The following MEIKIN variants were observed in gnomAD, a reference collection of about 807,000 sequenced individuals.
MEIKIN encodes the protein meiosis-specific kinetochore protein.
rs557365386 is a variant in MEIKIN, at chr5:131,875,855, C to T, written c.774+3123G>A. On this transcript the variant is annotated intron_variant, in intron 9 of 12. Transcript: ENST00000442687. ...AAATAATGTCGCATATCTACAACTACCTGATGTTTGACAAACCTGACAAAA... is the reference window on the plus strand; with the variant it reads ...AAATAATGTCGCATATCTACAACTATCTGATGTTTGACAAACCTGACAAAA... 8.5e-5 allele frequency among the ~76,000 whole-genome samples: 13 copies of T among 152,162 alleles called. 1 individual carries two copies. The highest frequency in any genetic ancestry group is 3.3e-4 in the Admixed American group (5 of 15,276).
chr5:131,878,895 A>T (rs1368191776), intron 9 of MEIKIN, 83 bp downstream of exon 9: 1 of 391,976 alleles, frequency 2.6e-6, no homozygotes, highest in Non-Finnish European at 4.5e-6. Flanking sequence ...AAAAAAAAGT[A>T]AATTTAAACT....
chr5:131,846,050 G>A (rs1219833151), intron 11 of MEIKIN, among the ~76,000 whole-genome samples: 1 of 152,158 alleles, frequency 6.6e-6, no homozygotes, highest in Admixed American at 6.5e-5. Flanking sequence ...TTGCACACAA[G>A]GGATCTTTAT....
At chr5:131,937,067 T>G (rs994009986) in intron 4 of MEIKIN, among the ~76,000 whole-genome samples, 1 of 152,180 alleles carries the variant, frequency 6.6e-6, no homozygotes. Context: ...ACACAGTTGT[T>G]TTCTTGGTAT....
Position 131,873,751 on chromosome 5 carries a change from A to T in MEIKIN, c.774+5227T>A, listed in dbSNP as rs564253737. Among the ~76,000 whole-genome samples, 574 of 152,250 alleles carry T rather than the reference A, an allele frequency of 3.8e-3. 4 individuals are homozygous for T. Among genetic ancestry groups the T allele is most frequent in the African/African-American group, 0.013 (542 of 41,562 alleles). ...TTGAACACATAGTTGGAAGTAAAGC[A>T]CTCCTCAGCAAATGTAAAAGAACAG... On this transcript the variant is annotated intron_variant, in intron 9 of 12. Coordinates refer to ENST00000442687, the MANE Select transcript of MEIKIN (RefSeq NM_001303622.2).
chr5:131,898,209 T>C (rs1751087153), intron 8 of MEIKIN, among the ~76,000 whole-genome samples: 1 of 152,218 alleles, frequency 6.6e-6, no homozygotes, highest in Admixed American at 6.5e-5. Context: ...CCTCAGACCC[T>C]ATTTGCCTGG....
intron 12 of MEIKIN, among the ~76,000 whole-genome samples, chr5:131,811,763 C>T (rs569037129): frequency 2.9e-4 from 44 of 152,244 alleles, no homozygotes; most frequent in Non-Finnish European, 5.1e-4. Flanking sequence ...CCCATCACCA[C>T]GCCCAGCTAA....
At chr5:131,884,121 C>T (rs73788789) in intron 8 of MEIKIN, among the ~76,000 whole-genome samples, 4,421 of 135,844 alleles carry the variant, frequency 0.033, 240 homozygotes, top group African/African-American at 0.11. Context: ...AGTCCTAGTG[C>T]TGAACTGGGC....
chr5:131,943,198 G>GA (rs1004993456), intron 3 of MEIKIN, among the ~76,000 whole-genome samples: 5 of 151,534 alleles, frequency 3.3e-5, no homozygotes, highest in Non-Finnish European at 5.9e-5. Context: ...AATAATTTGA[G>GA]AAAAAAAATA....
At chr5:131,844,185 C>A in intron 11 of MEIKIN, among the ~76,000 whole-genome samples, 1 of 152,114 alleles carries the variant, frequency 6.6e-6, no homozygotes, top group Admixed American at 6.5e-5. Flanking sequence ...ATTCAATCAC[C>A]TCCCACTAGA....
chr5:131,921,417 G>A (rs1457851798), intron 6 of MEIKIN, among the ~76,000 whole-genome samples: 1 of 151,990 alleles, frequency 6.6e-6, no homozygotes, highest in African/African-American at 2.4e-5. Flanking sequence ...CAGCACTTTG[G>A]GAAGCCAAGG....
At chr5:131,828,377 G>T (rs542282866) in intron 11 of MEIKIN, among the ~76,000 whole-genome samples, 4 of 152,156 alleles carry the variant, frequency 2.6e-5, no homozygotes, top group Non-Finnish European at 1.5e-5. Context: ...TGCCCAGGCT[G>T]GTCTTGAACT....
intron 7 of MEIKIN, among the ~76,000 whole-genome samples, chr5:131,914,462 A>G (rs1022609482): frequency 6.3e-5 from 9 of 142,138 alleles, no homozygotes; most frequent in Non-Finnish European, 1.1e-4. Context: ...AAGGAAGGGG[A>G]GAGAGAGAGA....
At chr5:131,843,893 A>G (rs558011310) in intron 11 of MEIKIN, among the ~76,000 whole-genome samples, 1 of 152,256 alleles carries the variant, frequency 6.6e-6, no homozygotes, top group South Asian at 2.1e-4. Context: ...AATTTTCTGT[A>G]TTAGTCTGTT....
chr5:131,918,912 T>G (rs1751459179), intron 6 of MEIKIN, among the ~76,000 whole-genome samples: 1 of 152,170 alleles, frequency 6.6e-6, no homozygotes, highest in Non-Finnish European at 1.5e-5. Flanking sequence ...CATAAGACCC[T>G]ATGATCTTGA....
chr5:131,824,216 A>G (rs1404608203), intron 11 of MEIKIN, among the ~76,000 whole-genome samples: 1 of 152,072 alleles, frequency 6.6e-6, no homozygotes, highest in Non-Finnish European at 1.5e-5. Flanking sequence ...ACCAAAAACT[A>G]TCAGGAATAA....
chr5:131,872,570 C>T (rs1580882990), intron 9 of MEIKIN, among the ~76,000 whole-genome samples: 1 of 152,228 alleles, frequency 6.6e-6, no homozygotes, highest in African/African-American at 2.4e-5. Flanking sequence ...CTGGAAAACA[C>T]TCTGCAGGAT....
Position 131,879,439 on chromosome 5 carries a change from G to T in MEIKIN, c.704-391C>A, listed in dbSNP as rs1289603269. Among the ~76,000 whole-genome samples the T allele has an allele frequency of 1.2e-4, 18 of 152,054 alleles. 1 individual carries two copies. Among genetic ancestry groups the T allele is most frequent in the Non-Finnish European group, 1.5e-5 (1 of 68,010 alleles). On this transcript the variant is annotated intron_variant, in intron 8 of 12. Coordinates refer to ENST00000442687, the MANE Select transcript of MEIKIN (RefSeq NM_001303622.2). ...TTTCAATAGCTTTAGGGGTACAAGT[G>T]GTTTTTGGTTATATGGAAAAATTGT...
intron 8 of MEIKIN, among the ~76,000 whole-genome samples, chr5:131,893,259 G>A (rs763310478): frequency 1.3e-4 from 19 of 143,142 alleles, no homozygotes; most frequent in South Asian, 2.3e-4. Context: ...CTTCCCAGCC[G>A]CTTTGTTTAC....
chr5:131,900,311 CAT>C (rs1376991764), intron 8 of MEIKIN, among the ~76,000 whole-genome samples: 1 of 152,118 alleles, frequency 6.6e-6, no homozygotes. Context: ...TGAAGGAAGA[CAT>C]AGATGCTAGG....
Sources: gnomAD v4.1 joint callset for allele counts (sites outside exome capture counted in the v4.1 genomes callset) on GRCh38, gnomAD v4.1.1 for gene constraint, MANE v1.5 for transcripts, NCBI Gene and HGNC (gene_info 2026-07-23, HGNC 2026-07-21) for gene names.